The following XPO5 variants were observed in gnomAD, a reference collection of about 807,000 sequenced individuals.
XPO5 encodes the protein exportin 5.
Under a neutral mutation model 160.6 loss-of-function variants are expected in XPO5, and 46 were observed. The observed-to-expected ratio is 0.29, with a 90% CI of 0.23 to 0.37. The LOEUF (loss-of-function observed/expected upper bound fraction) is 0.37. XPO5 is among the 10% of genes least tolerant of loss of function. XPO5 has a pLI of 1.00. For synonymous variants in XPO5, 537 were observed against 519.3 expected, an observed-to-expected ratio of 1.03 and a Z score of -0.46; for missense variants, 1,090 against 1,463.9, an observed-to-expected ratio of 0.74 and a Z score of 4.17.
intron 20 of XPO5, among the ~76,000 whole-genome samples, chr6:43,540,929 A>AT (rs1396233369): frequency 3.3e-5 from 5 of 152,230 alleles, no homozygotes; most frequent in African/African-American, 1.2e-4. Context: ...ATAAAAAAAA[A>AT]AAGAGATCTT....
At chr6:43,526,459 A>C (rs557269404) in intron 27 of XPO5, 3 of 562,832 alleles carry the variant, frequency 5.3e-6, no homozygotes, top group Non-Finnish European at 9.6e-6. Context: ...AGAAAAGATC[A>C]CATATATGGT....
chr6:43,570,003 CTTTTTTTTT>C (rs35322286), intron 5 of XPO5, among the ~76,000 whole-genome samples: 1,713 of 85,398 alleles, frequency 0.02, 48 homozygotes, highest in African/African-American at 0.074. Context: ...AGATCCCTAT[CTTTTTTTTT>C]TTTTTTTTTT....
Position 43,525,921 on chromosome 6 carries a change from T to C in XPO5, c.2984A>G (p.Asp995Gly). The change falls in exon 28 of 32, where the codon GAT becomes GGT. Residue 995 changes from aspartate (D) to glycine (G), a missense_variant and splice_region_variant. By Grantham distance (94) the Asp-to-Gly change is moderately conservative. Coordinates refer to ENST00000265351, the MANE Select transcript of XPO5 (RefSeq NM_020750.3). ...GACCTCTGTGGCCATCATTTCTTCA[T>C]CTGTTATCAGAGAGTAGAATGTTAA... Reference protein sequence around the residue: ...HSSAPPADGDDEEMMATEVTP... With the variant: ...HSSAPPADGDGEEMMATEVTP... 1 of 1,613,964 alleles carries C rather than the reference T, an allele frequency of 6.2e-7. No individual in the cohort carries two copies. The highest frequency in any genetic ancestry group is 8.5e-7 in the Non-Finnish European group (1 of 1,179,872).
chr6:43,549,773 A>T (rs1795140549), intron 16 of XPO5, 120 bp downstream of exon 16: 1 of 1,226,090 alleles, frequency 8.2e-7, no homozygotes, highest in African/African-American at 1.5e-5. Flanking sequence ...AACAACATAT[A>T]TGATAATCTA....
chr6:43,546,116 T>G (rs1794953054), intron 20 of XPO5, among the ~76,000 whole-genome samples: 1 of 152,176 alleles, frequency 6.6e-6, no homozygotes, highest in African/African-American at 2.4e-5. Context: ...GTTTAGCATG[T>G]TCAGCCAGCG....
chr6:43,546,460 T>A, intron 20 of XPO5, 111 bp downstream of exon 20: 1 of 1,060,800 alleles, frequency 9.4e-7, no homozygotes. Flanking sequence ...AAGACTTAAA[T>A]CAATCCCTCA....
In XPO5 at chr6:43,547,723, G is replaced by A. The variant is rs1795029464; in HGVS notation, c.2061-16C>T. On this transcript the variant is annotated splice_polypyrimidine_tract_variant and intron_variant, in intron 18 of 31. Coordinates refer to ENST00000265351, the MANE Select transcript of XPO5 (RefSeq NM_020750.3). ...TGACAGCACTCTGAAGGTTGGAGGG[G>A]GAAAAACAAGTTACATCATGACTTT... 1 of 1,608,774 alleles carries A rather than the reference G, an allele frequency of 6.2e-7. No individual in the cohort carries two copies. The highest frequency in any genetic ancestry group is 8.5e-7 in the Non-Finnish European group (1 of 1,175,366).
chr6:43,570,758 T>C (rs1235283813), intron 4 of XPO5, 74 bp from the exon 5 acceptor site: 2 of 1,530,486 alleles, frequency 1.3e-6, no homozygotes, highest in Non-Finnish European at 1.7e-6. Context: ...GGCTATTTTC[T>C]GTTGCCAAAA....
chr6:43,539,766 T>G (rs563054914), intron 20 of XPO5: 4 of 588,150 alleles, frequency 6.8e-6, no homozygotes, highest in African/African-American at 3.7e-5. Flanking sequence ...GTCTAAGAGA[T>G]AAATTATCTG....
intron 31 of XPO5, among the ~76,000 whole-genome samples, 178 bp downstream of exon 31, chr6:43,524,293 G>T (rs1442890877): frequency 1.3e-5 from 2 of 151,388 alleles, no homozygotes; most frequent in Non-Finnish European, 2.9e-5. Context: ...CGGAGGTTGT[G>T]GTGAGCTGAG....
At chr6:43,554,653 A>C (rs1195019481) in intron 13 of XPO5, among the ~76,000 whole-genome samples, 1 of 151,292 alleles carries the variant, frequency 6.6e-6, no homozygotes, top group Non-Finnish European at 1.5e-5. Context: ...TGAACTCCTG[A>C]CCTCAGGTGA....
In XPO5 at chr6:43,522,773, G is replaced by A. The variant is rs1446680834; in HGVS notation, c.*1095C>T. 8.6e-6 allele frequency: 4 copies of A among 464,088 alleles called. No individual in the cohort carries two copies. Among genetic ancestry groups the A allele is most frequent in the African/African-American group, 4.0e-5 (2 of 50,412 alleles). 28.7% of individuals were successfully genotyped at this position (464,088 alleles called of 1,614,324 possible). A position where few individuals can be genotyped will look rare whatever the true frequency, so the allele number is the denominator to read the frequency against. ...TTTGTGCAGAGCACATGGACACACT[G>A]GTTTCTGTATGGATTAACTCTGCCT... On this transcript the variant is annotated 3_prime_UTR_variant, in exon 32 of 32. Coordinates refer to ENST00000265351, the MANE Select transcript of XPO5 (RefSeq NM_020750.3).
At chr6:43,567,634 T>G (rs543176145) in intron 6 of XPO5, among the ~76,000 whole-genome samples, 3 of 152,194 alleles carry the variant, frequency 2.0e-5, no homozygotes, top group Non-Finnish European at 4.4e-5. Context: ...GGCACACACC[T>G]GCAATACCAG....
At chr6:43,541,349 T>C (rs544537124) in intron 20 of XPO5, among the ~76,000 whole-genome samples, 23 of 152,370 alleles carry the variant, frequency 1.5e-4, no homozygotes, top group African/African-American at 5.3e-4. Flanking sequence ...ATGCATTGCA[T>C]GCCTGTGTCA....
At position 43,561,057 on chromosome 6, in the gene XPO5, G is replaced by A. The variant is rs777181975; in HGVS notation, c.1012-50C>T. The A allele has an allele frequency of 7.6e-6, 11 of 1,451,906 alleles. No individual in the cohort carries two copies. The Admixed American group carries it at 1.4e-4, about 18-fold the overall frequency. The allele number at this position is 1,451,906 out of a possible 1,614,324, so 89.9% of individuals were successfully genotyped here. ...ACGGTGTTGATCGAGAAAAGCAGGAGAGGAAAAAGCAGGGAAGTAATAAAA... is the reference window on the plus strand; with the variant it reads ...ACGGTGTTGATCGAGAAAAGCAGGAAAGGAAAAAGCAGGGAAGTAATAAAA... On this transcript the variant is annotated intron_variant, in intron 9 of 31. Transcript: ENST00000265351.
rs763899744 is a variant in XPO5, at chr6:43,546,653, T to C, written c.2260A>G (p.Thr754Ala). Residue 754 changes from threonine to alanine, a missense_variant, in exon 20 of 32, where the codon ACA becomes GCA. Thr to Ala is a moderately conservative substitution (Grantham distance 58). Around this residue, in one of 3 missense-constraint regions of XPO5, gnomAD observed 810 missense variants for 1,139.0 expected, o/e 0.71. Transcript: ENST00000265351. ...CGGAAGATTGGATTTCCACTGGATG[T>C]ATAACCCACCACAAATCCCCCAGCT... ...AKAGGFVVGY[T>A]SSGNPIFRNP... 2.5e-5 allele frequency: 40 copies of C among 1,613,810 alleles called. No individual in the cohort carries two copies. In the Admixed American group the frequency reaches 4.3e-4, roughly 17 times the overall value.
rs57760552 is a variant in XPO5, at chr6:43,573,804, AAT to A, written c.106-205_106-204del. ...ACATGGCGAAACCCCATCTCTATTA[AAT>A]ATATATATATATATATATTTTTTTT... is the stretch of plus-strand genomic sequence containing the variant. On this transcript the variant is annotated intron_variant, in intron 1 of 31. Coordinates refer to ENST00000265351, the MANE Select transcript of XPO5 (RefSeq NM_020750.3). Among the ~76,000 whole-genome samples, 853 of 117,148 alleles carry A rather than the reference AAT, an allele frequency of 7.3e-3. 19 individuals carry two copies. The highest frequency in any genetic ancestry group is 0.024 in the African/African-American group (751 of 31,414). The allele number at this position is 117,148 out of a possible 152,430, so 76.9% of individuals were successfully genotyped here.
intron 20 of XPO5, 122 bp downstream of exon 20, chr6:43,546,449 T>G (rs1561874751): frequency 2.1e-6 from 2 of 947,526 alleles, no homozygotes; most frequent in Non-Finnish European, 2.9e-6. Context: ...TAGAAAGAAA[T>G]AAGACTTAAA....
At position 43,549,702 on chromosome 6, in the gene XPO5, T is replaced by C. The variant is rs1199589431; in HGVS notation, c.1771-124A>G. ...ATGATTTTTCACAACCCTAAGAGTA[T>C]AATGGAGTAACATTTATAGCCACCA... On this transcript the variant is annotated intron_variant, in intron 16 of 31. Coordinates refer to ENST00000265351, the MANE Select transcript of XPO5 (RefSeq NM_020750.3). The C allele has an allele frequency of 1.1e-5, 14 of 1,265,860 alleles. No homozygotes were observed. The East Asian group carries it at 3.4e-4, about 30-fold the overall frequency. The allele number at this position is 1,265,860 out of a possible 1,614,324, so 78.4% of individuals were successfully genotyped here.
Sources: allele counts gnomAD v4.1 joint callset (sites outside exome capture counted in the v4.1 genomes callset), GRCh38; gene constraint gnomAD v4.1.1; regional missense constraint gnomAD v4.1.1; transcripts MANE v1.5; gene names NCBI Gene and HGNC (gene_info 2026-07-23, HGNC 2026-07-21).